ETS1: variants seen among roughly 807,000 people sequenced by gnomAD.
ETS1 encodes the protein protein C-ets-1.
In ETS1, 15 loss-of-function variants were observed where a neutral mutation model predicts 58.6. The ratio of observed to expected loss-of-function variants is 0.26; its 90% CI spans 0.17 to 0.39. The LOEUF (loss-of-function observed/expected upper bound fraction) is 0.39, where lower values mean the gene tolerates loss of function less well. ETS1 is among the 10% of genes least tolerant of loss of function. The pLI, the probability that ETS1 is intolerant of heterozygous loss-of-function variation, is 1.00. For missense variants in ETS1, 417 were observed against 610.5 expected (o/e 0.68, Z 3.34); for synonymous variants, 214 against 218.2 (o/e 0.98, Z 0.17).
rs1864976875 is a variant in ETS1, at chr11:128,585,102, AGGAAGGAAG to A, written c.-15+2377_-15+2385del. On this transcript the variant is annotated intron_variant, in intron 1 of 9. Transcript: ENST00000392668. ...AGAAAGAAAGAAAGGAAAGAAAGAA[AGGAAGGAAG>A]GAAGGAAAGAAAGAAGAAAGAAAGA... 4.7e-4 allele frequency among the ~76,000 whole-genome samples: 11 copies of A among 23,572 alleles called. 1 individual carries two copies. The highest frequency in any genetic ancestry group is 2.0e-3 in the African/African-American group (5 of 2,472). 15.5% of individuals were successfully genotyped at this position (23,572 alleles called of 152,430 possible).
intron 3 of ETS1, among the ~76,000 whole-genome samples, chr11:128,555,342 A>G (rs1203177108): frequency 6.6e-6 from 1 of 152,260 alleles, no homozygotes; most frequent in Non-Finnish European, 1.5e-5. Flanking sequence ...GTTGTGGGGT[A>G]AAATAACACT....
chr11:128,546,464 G>T (rs750319530), intron 3 of ETS1, among the ~76,000 whole-genome samples: 24 of 152,112 alleles, frequency 1.6e-4, no homozygotes, highest in Non-Finnish European at 2.8e-4. Flanking sequence ...TCAAGTCCCT[G>T]ATATAAAATG....
chr11:128,491,355 C>T (rs766873479), intron 3 of ETS1, among the ~76,000 whole-genome samples: 2 of 152,208 alleles, frequency 1.3e-5, no homozygotes, highest in Non-Finnish European at 2.9e-5. Flanking sequence ...AATCTATCTA[C>T]ACAGTTAAAT....
chr11:128,484,353 G>A (rs1320436863), intron 7 of ETS1, among the ~76,000 whole-genome samples: 1 of 152,096 alleles, frequency 6.6e-6, no homozygotes, highest in Admixed American at 6.5e-5. Flanking sequence ...TCCCAGGCTG[G>A]CCAGCAGAGG....
chr11:128,560,181 C>T lies in ETS1; in HGVS notation c.70-3746G>A, dbSNP rs533527092. Among the ~76,000 whole-genome samples, 10 of 152,108 alleles carry T rather than the reference C, an allele frequency of 6.6e-5. 1 individual carries two copies. The highest frequency in any genetic ancestry group is 1.9e-4 in the East Asian group (1 of 5,180). On this transcript the variant is annotated intron_variant, in intron 2 of 9. Coordinates refer to ENST00000392668, the MANE Select transcript of ETS1 (RefSeq NM_001143820.2). ...AGGTTGAAGTGCAGTGGCGCAATCTCGGCTCACTGCAACCTCCGCCTCCTG... is the reference window on the plus strand; with the variant it reads ...AGGTTGAAGTGCAGTGGCGCAATCTTGGCTCACTGCAACCTCCGCCTCCTG...
chr11:128,564,234 G>T (rs141404206), intron 2 of ETS1, among the ~76,000 whole-genome samples: 53 of 152,310 alleles, frequency 3.5e-4, no homozygotes, highest in African/African-American at 1.2e-3. Context: ...TGGTGAGGGG[G>T]TGCAGCCACC....
At chr11:128,567,697 C>A (rs1457205128) in intron 2 of ETS1, among the ~76,000 whole-genome samples, 1 of 151,924 alleles carries the variant, frequency 6.6e-6, no homozygotes, top group Non-Finnish European at 1.5e-5. Context: ...CAGTGGCATG[C>A]TCTTGCCTCA....
At chr11:128,511,780 T>A (rs917993971) in intron 3 of ETS1, among the ~76,000 whole-genome samples, 1 of 152,246 alleles carries the variant, frequency 6.6e-6, no homozygotes, top group Non-Finnish European at 1.5e-5. Context: ...AAAATCCATG[T>A]GGCTGAACTC....
At chr11:128,586,880 ACT>A (rs2135609768) in intron 1 of ETS1, among the ~76,000 whole-genome samples, 1 of 152,178 alleles carries the variant, frequency 6.6e-6, no homozygotes, top group African/African-American at 2.4e-5. Flanking sequence ...TACCTCCCTA[ACT>A]CTGAGACAAC....
chr11:128,522,148 C>T (rs1863695635), intron 3 of ETS1: 1 of 1,311,980 alleles, frequency 7.6e-7, no homozygotes, highest in Non-Finnish European at 9.7e-7. Flanking sequence ...CTTTCCCCCG[C>T]GCCCGGACGG....
intron 2 of ETS1, among the ~76,000 whole-genome samples, chr11:128,569,987 A>T (rs1332100899): frequency 6.6e-6 from 1 of 152,230 alleles, no homozygotes; most frequent in African/African-American, 2.4e-5. Flanking sequence ...TTTGAAACCA[A>T]TGGAAGCCAT....
At chr11:128,580,438 C>A (rs1188368263) in intron 1 of ETS1, among the ~76,000 whole-genome samples, 2 of 152,164 alleles carry the variant, frequency 1.3e-5, no homozygotes, top group African/African-American at 2.4e-5. Flanking sequence ...AAATCCAATT[C>A]TCTAAGAACT....
At chr11:128,548,734 G>A (rs2135550020) in intron 3 of ETS1, among the ~76,000 whole-genome samples, 1 of 152,364 alleles carries the variant, frequency 6.6e-6, no homozygotes, top group East Asian at 1.9e-4. Context: ...CCTGGGAGTG[G>A]AAAGCTCGTC....
At chr11:128,475,129 C>G (rs182306061) in intron 8 of ETS1, among the ~76,000 whole-genome samples, 16 of 152,394 alleles carry the variant, frequency 1.0e-4, no homozygotes, top group Admixed American at 6.5e-5. Flanking sequence ...AGCACAAATT[C>G]ACACTGCACT....
chr11:128,534,474 T>A (rs1052987320), intron 3 of ETS1, among the ~76,000 whole-genome samples: 10 of 152,350 alleles, frequency 6.6e-5, no homozygotes, highest in African/African-American at 2.2e-4. Context: ...GCAGGTTTGT[T>A]ACACAGATAA....
intron 8 of ETS1, among the ~76,000 whole-genome samples, chr11:128,478,001 G>C (rs1253833125): frequency 6.6e-6 from 1 of 152,136 alleles, no homozygotes; most frequent in Non-Finnish European, 1.5e-5. Flanking sequence ...ACCACACAGT[G>C]TGTTAGAGTT....
chr11:128,512,458 A>T (rs1863416712), intron 3 of ETS1, among the ~76,000 whole-genome samples: 1 of 152,216 alleles, frequency 6.6e-6, no homozygotes, highest in African/African-American at 2.4e-5. Flanking sequence ...ACTGCGACAG[A>T]CCTTTCTCAA....
intron 3 of ETS1, among the ~76,000 whole-genome samples, chr11:128,515,237 C>G (rs1466332208): frequency 6.6e-6 from 1 of 151,154 alleles, no homozygotes; most frequent in African/African-American, 2.4e-5. Context: ...CTTCAAAGTT[C>G]ATTTTATCTC....
intron 1 of ETS1, among the ~76,000 whole-genome samples, chr11:128,585,076 G>A (rs200268354): frequency 4.3e-3 from 25 of 5,868 alleles, no homozygotes; most frequent in African/African-American, 5.7e-3. Flanking sequence ...AAGAAAGAAA[G>A]AGAAAGAAAG....
Sources: gnomAD v4.1 joint callset for allele counts (sites outside exome capture counted in the v4.1 genomes callset) on GRCh38, gnomAD v4.1.1 for gene constraint, MANE v1.5 for transcripts, NCBI Gene and HGNC (gene_info 2026-07-23, HGNC 2026-07-21) for gene names.